PRELID2: variants seen among roughly 807,000 people sequenced by gnomAD.
The protein encoded by PRELID2 is PRELI domain-containing protein 2.
Under a neutral mutation model 28.4 loss-of-function variants are expected in PRELID2, and 25 were observed. The ratio of observed to expected loss-of-function variants is 0.88; its 90% CI spans 0.64 to 1.23. The LOEUF (loss-of-function observed/expected upper bound fraction) is 1.23, where lower values mean the gene tolerates loss of function less well. PRELID2 is among the 50% of genes most tolerant of loss of function. The pLI, the probability that PRELID2 is intolerant of heterozygous loss-of-function variation, is 0.00. For missense variants in PRELID2, 201 were observed against 214.4 expected (o/e 0.94, Z 0.39); for synonymous variants, 76 against 71.6 (o/e 1.06, Z -0.31).
chr5:145,422,698 G>T, the PRELID2 span, among the ~76,000 whole-genome samples: 7 of 152,072 alleles, frequency 4.6e-5, no homozygotes, highest in African/African-American at 1.7e-4. Context: ...CAATTTGCCA[G>T]TGTGTGTCTT....
At chr5:145,380,060 T>C in the PRELID2 span, among the ~76,000 whole-genome samples, 2 of 152,212 alleles carry the variant, frequency 1.3e-5, no homozygotes, top group African/African-American at 2.4e-5. Flanking sequence ...ATGGCCATGC[T>C]CCTGCACCAA....
At chr5:145,239,383 A>T in the PRELID2 span, among the ~76,000 whole-genome samples, 4 of 151,994 alleles carry the variant, frequency 2.6e-5, no homozygotes, top group Non-Finnish European at 5.9e-5. Context: ...GGTCTCAAGG[A>T]TATTGTCTCC....
chr5:145,621,320 C>T (rs776230602), intron 1 of PRELID2, among the ~76,000 whole-genome samples: 13 of 151,874 alleles, frequency 8.6e-5, no homozygotes, highest in Non-Finnish European at 1.5e-4. Flanking sequence ...AGCACTCATA[C>T]ATTGCTGGTA....
chr5:145,381,363 A>G, the PRELID2 span, among the ~76,000 whole-genome samples: 1 of 152,180 alleles, frequency 6.6e-6, no homozygotes. Context: ...CAGAGTGGGG[A>G]GCCCCAAAAA....
chr5:145,458,163 T>G, the PRELID2 span, among the ~76,000 whole-genome samples: 31 of 152,178 alleles, frequency 2.0e-4, no homozygotes, highest in Non-Finnish European at 4.1e-4. Context: ...TTTTCTGACT[T>G]TAGTAAGATA....
chr5:145,336,147 G>C, the PRELID2 span, among the ~76,000 whole-genome samples: 6 of 152,072 alleles, frequency 3.9e-5, no homozygotes, highest in African/African-American at 2.4e-5. Context: ...AAATTTGTTT[G>C]AGTTCATTGT....
intron 1 of PRELID2, among the ~76,000 whole-genome samples, chr5:145,711,745 G>T (rs1052098170): frequency 6.6e-6 from 1 of 151,944 alleles, no homozygotes; most frequent in African/African-American, 2.4e-5. Flanking sequence ...GGGTTGGGGG[G>T]CGGGGGCAAG....
At chr5:145,377,748 C>G in the PRELID2 span, among the ~76,000 whole-genome samples, 2 of 151,992 alleles carry the variant, frequency 1.3e-5, no homozygotes, top group African/African-American at 4.8e-5. Flanking sequence ...GTCATTTCAC[C>G]CATCAAGAAA....
chr5:145,714,154 G>C (rs556592901), intron 1 of PRELID2, among the ~76,000 whole-genome samples: 28 of 152,212 alleles, frequency 1.8e-4, no homozygotes, highest in African/African-American at 6.0e-4. Context: ...CTCAGGAAGA[G>C]AGCATGAATA....
At chr5:145,406,394 G>T in the PRELID2 span, among the ~76,000 whole-genome samples, 1 of 152,124 alleles carries the variant, frequency 6.6e-6, no homozygotes, top group Admixed American at 6.6e-5. Flanking sequence ...CTCTGAAAAA[G>T]ACATTACTGG....
In PRELID2 at chr5:145,819,826, G is replaced by A. The variant is rs553077304; in HGVS notation, c.207+119C>T. 53 of 736,620 alleles carry A rather than the reference G, an allele frequency of 7.2e-5. No individual in the cohort carries two copies. The South Asian group carries it at 8.3e-4, about 11-fold the overall frequency. 45.6% of individuals were successfully genotyped at this position (736,620 alleles called of 1,614,324 possible). ...AGAGCTTTCTTCCTCAGAAGGTTCT[G>A]AGGTAAAAGGAGTAGGAAGTTTCTA... On this transcript the variant is annotated intron_variant, in intron 3 of 6. Coordinates refer to ENST00000683046, the MANE Select transcript of PRELID2 (RefSeq NM_205846.3).
At chr5:145,415,672 G>T in the PRELID2 span, among the ~76,000 whole-genome samples, 1 of 151,008 alleles carries the variant, frequency 6.6e-6, no homozygotes, top group Admixed American at 6.6e-5. Flanking sequence ...TCTTAATCCA[G>T]TCTATCATTG....
At chr5:145,551,955 C>T (rs1316441129) in intron 1 of PRELID2, among the ~76,000 whole-genome samples, 1 of 152,148 alleles carries the variant, frequency 6.6e-6, no homozygotes, top group Non-Finnish European at 1.5e-5. Flanking sequence ...TCTCCTCCCG[C>T]CTTCTGTCTC....
intron 1 of PRELID2, among the ~76,000 whole-genome samples, chr5:145,556,611 A>T (rs1235711571): frequency 2.6e-5 from 4 of 152,172 alleles, no homozygotes; most frequent in Non-Finnish European, 1.5e-5. Context: ...TCATATCCCC[A>T]GTACCCTATT....
the PRELID2 span, among the ~76,000 whole-genome samples, chr5:145,378,672 C>T: frequency 3.9e-5 from 6 of 152,104 alleles, no homozygotes; most frequent in Admixed American, 3.3e-4. Flanking sequence ...GCTATTTTGT[C>T]AGTCAGTTTC....
intron 1 of PRELID2, among the ~76,000 whole-genome samples, chr5:145,678,462 T>C (rs889051520): frequency 3.3e-5 from 5 of 152,206 alleles, no homozygotes; most frequent in Admixed American, 3.3e-4. Context: ...ACAGTATCTG[T>C]CTTATTTTAT....
chr5:145,600,420 GAAAAAAAAA>G (rs35455268), intron 1 of PRELID2, among the ~76,000 whole-genome samples: 1 of 124,184 alleles, frequency 8.1e-6, no homozygotes. Context: ...CTCAGGGGGG[GAAAAAAAAA>G]AAAAAATATA....
the PRELID2 span, among the ~76,000 whole-genome samples, chr5:145,252,742 C>T: frequency 2.0e-5 from 3 of 152,022 alleles, no homozygotes; most frequent in Non-Finnish European, 2.9e-5. Flanking sequence ...AGGTACAGAG[C>T]TTCAGTTTAG....
the PRELID2 span, among the ~76,000 whole-genome samples, chr5:145,384,930 A>G: frequency 6.6e-6 from 1 of 152,122 alleles, no homozygotes; most frequent in Non-Finnish European, 1.5e-5. Flanking sequence ...CACCTCTAAT[A>G]CTGGTAATGA....
Sources: allele counts gnomAD v4.1 joint callset (sites outside exome capture counted in the v4.1 genomes callset), GRCh38; gene constraint gnomAD v4.1.1; transcripts MANE v1.5; gene names NCBI Gene and HGNC (gene_info 2026-07-23, HGNC 2026-07-21).